YTHDF3: variants seen among roughly 807,000 people sequenced by gnomAD.
The protein encoded by YTHDF3 is YTH N6-methyladenosine RNA binding protein F3, also known as YTH domain-containing family protein 3.
YTHDF3 carries 9 observed loss-of-function variants against 52.5 expected under a neutral mutation model. That is an observed-to-expected ratio of 0.17 (90% CI 0.10 to 0.30). The LOEUF is 0.30. Ranked by LOEUF, YTHDF3 falls within the 10% of genes least tolerant of loss-of-function variation. YTHDF3 has a pLI of 1.00. For synonymous variants in YTHDF3, 274 were observed against 243.3 expected (o/e 1.13, Z -1.18); for missense variants, 534 against 715.0 (o/e 0.75, Z 2.89).
intron 3 of YTHDF3, among the ~76,000 whole-genome samples, chr8:63,182,967 T>TC (rs1422441397): frequency 6.6e-6 from 1 of 151,588 alleles, no homozygotes. Flanking sequence ...TTTTTTTTTT[T>TC]TTTCTTTTTT....
intron 3 of YTHDF3, among the ~76,000 whole-genome samples, chr8:63,181,819 G>A (rs569160424): frequency 4.6e-5 from 7 of 152,280 alleles, no homozygotes; most frequent in African/African-American, 1.7e-4. Context: ...TAAGTGAATG[G>A]ATGGATTAGG....
In YTHDF3 at chr8:63,195,186, C is replaced by G. The variant is rs959589956; in HGVS notation, c.1734+7441C>G. ...TGAAGCTTCAAATTGTCGGAGAAAT[C>G]CATGCTAGTTAGTATTTGTATTATA... On this transcript the variant is annotated intron_variant, in intron 4 of 4. Transcript: ENST00000539294. Among the ~76,000 whole-genome samples the G allele has an allele frequency of 3.3e-5, 5 of 152,114 alleles. No individual in the cohort carries two copies. The South Asian group carries it at 1.0e-3, about 31-fold the overall frequency.
In YTHDF3 at chr8:63,212,401, C is replaced by G. The variant is rs1810413157; in HGVS notation, c.*2695C>G. 1.3e-5 allele frequency: 2 copies of G among 151,984 alleles called. No individual in the cohort carries two copies. Among genetic ancestry groups the G allele is most frequent in the African/African-American group, 4.9e-5 (2 of 41,186 alleles). The allele number at this position is 151,984 out of a possible 1,614,324, so 9.4% of individuals were successfully genotyped here. ...AGCTGTGTTCTTTTTGAATACCGTG[C>G]ATGGGGGTTAAGCTGATGTTAAAAC... On this transcript the variant is annotated 3_prime_UTR_variant, in exon 5 of 5. Coordinates refer to ENST00000539294, the MANE Select transcript of YTHDF3 (RefSeq NM_152758.6).
intron 4 of YTHDF3, among the ~76,000 whole-genome samples, chr8:63,198,720 T>C (rs893166197): frequency 2.6e-5 from 4 of 152,218 alleles, no homozygotes; most frequent in African/African-American, 4.8e-5. Context: ...GTTATACTTA[T>C]GACAACAGCA....
chr8:63,200,816 T>G (rs1415583405), intron 4 of YTHDF3, among the ~76,000 whole-genome samples: 3 of 152,200 alleles, frequency 2.0e-5, no homozygotes, highest in Non-Finnish European at 4.4e-5. Context: ...AAGGTGAATT[T>G]TTAAGATGGG....
intron 3 of YTHDF3, among the ~76,000 whole-genome samples, chr8:63,182,234 ATTTTTTTTTT>A (rs11348989): frequency 1.1e-4 from 12 of 111,718 alleles, no homozygotes; most frequent in East Asian, 2.9e-4. Flanking sequence ...TGCCTGGCTA[ATTTTTTTTTT>A]TTTTTTTTTT....
At chr8:63,175,234 A>T in intron 2 of YTHDF3, 97 bp from the exon 3 acceptor site, 8 of 839,142 alleles carry the variant, frequency 9.5e-6, no homozygotes, top group Non-Finnish European at 1.5e-5. Context: ...ATTTTTTCTG[A>T]TTACTTTTTT....
At chr8:63,176,057 T>G (rs1228360423) in intron 3 of YTHDF3, among the ~76,000 whole-genome samples, 2 of 152,194 alleles carry the variant, frequency 1.3e-5, no homozygotes, top group Non-Finnish European at 2.9e-5. Context: ...TAATTCCAAT[T>G]TAAACATTGA....
At chr8:63,188,603 T>C (rs1046988129) in intron 4 of YTHDF3, 15 of 146,000 alleles carry the variant, frequency 1.0e-4, no homozygotes, top group African/African-American at 3.5e-4. Context: ...GGGATTACAG[T>C]CCTGAGTCAC....
At chr8:63,171,699 T>G (rs1807337600) in intron 2 of YTHDF3, among the ~76,000 whole-genome samples, 2 of 152,222 alleles carry the variant, frequency 1.3e-5, no homozygotes, top group Admixed American at 1.3e-4. Flanking sequence ...CTGTTTACTT[T>G]CATGAAGTTA....
intron 2 of YTHDF3, among the ~76,000 whole-genome samples, 172 bp from the exon 3 acceptor site, chr8:63,175,159 G>A (rs1807600896): frequency 6.6e-6 from 1 of 152,052 alleles, no homozygotes; most frequent in Non-Finnish European, 1.5e-5. Context: ...AGTTTTTGTG[G>A]CACATGAATA....
rs139642806 is a variant in YTHDF3, at chr8:63,173,682, G to GTA, written c.50-1647_50-1646dup. ...TAAAGCCAGTGTCAGAGGAGAACAGGTATGTCAGAATCTCTTGGACTGAAA... is the reference window on the plus strand; with the variant it reads ...TAAAGCCAGTGTCAGAGGAGAACAGGTATATGTCAGAATCTCTTGGACTGAAA... On this transcript the variant is annotated intron_variant, in intron 2 of 4. Transcript: ENST00000539294. 1.7e-3 allele frequency: 1,683 copies of GTA among 985,218 alleles called. 31 individuals carry two copies. The African/African-American group carries it at 0.028, about 16-fold the overall frequency. The allele number at this position is 985,218 out of a possible 1,614,324, so 61.0% of individuals were successfully genotyped here. A position where few individuals can be genotyped will look rare whatever the true frequency, so the allele number is the denominator to read the frequency against.
At chr8:63,191,039 A>C (rs1429048196) in intron 4 of YTHDF3, among the ~76,000 whole-genome samples, 1 of 152,220 alleles carries the variant, frequency 6.6e-6, no homozygotes, top group African/African-American at 2.4e-5. Context: ...TCTAGTCAAC[A>C]GCCTTTTCAC....
chr8:63,199,265 T>C (rs1809442392), intron 4 of YTHDF3, among the ~76,000 whole-genome samples: 1 of 152,190 alleles, frequency 6.6e-6, no homozygotes, highest in South Asian at 2.1e-4. Context: ...GGACAGAATT[T>C]CATTTATAGT....
chr8:63,184,275 T>G (rs1808356546), intron 3 of YTHDF3, among the ~76,000 whole-genome samples: 1 of 152,186 alleles, frequency 6.6e-6, no homozygotes, highest in South Asian at 2.1e-4. Flanking sequence ...TGAAAAATGG[T>G]TTTGTGATTT....
In YTHDF3 at chr8:63,187,209, G is replaced by A; in HGVS notation, c.1198G>A (p.Ala400Thr). ...EVHPVLEKLK[A>T]INNYNPKDFD... is the part of the protein sequence containing the mutation. The stretch of plus-strand genomic sequence containing the variant: ...GCATCCCGTGCTGGAAAAGCTAAAG[G>A]CCATAAACAACTATAATCCCAAAGA... The change falls in exon 4 of 5, where the codon GCC (alanine) becomes ACC (threonine). Residue 400 changes from alanine (A) to threonine (T), a missense_variant. By Grantham distance (58) the Ala-to-Thr change is moderately conservative. Around this residue, in one of 3 missense-constraint regions of YTHDF3, gnomAD observed 203 missense variants for 201.3 expected, o/e 1.01. Transcript: ENST00000539294. The A allele has an allele frequency of 1.2e-6, 2 of 1,613,984 alleles. No homozygotes were observed. The highest frequency in any genetic ancestry group is 2.2e-5 in the East Asian group (1 of 44,884).
chr8:63,190,530 T>A lies in YTHDF3; in HGVS notation c.1734+2785T>A, dbSNP rs962113434. Among the ~76,000 whole-genome samples, 2 of 152,288 alleles carry A rather than the reference T, an allele frequency of 1.3e-5. 1 individual carries two copies. Among genetic ancestry groups the A allele is most frequent in the South Asian group, 4.1e-4 (2 of 4,822 alleles). ...TAAAGTTTATCCTAAAGCCGCCTCC[T>A]TACATATTTTAAGTCCAGCCTAAAG... On this transcript the variant is annotated intron_variant, in intron 4 of 4. Transcript: ENST00000539294.
In YTHDF3 at chr8:63,199,374, A is replaced by T. The variant is rs115267249; in HGVS notation, c.1735-10309A>T. Among the ~76,000 whole-genome samples, 1,212 of 152,262 alleles carry T rather than the reference A, an allele frequency of 8.0e-3. 24 individuals carry two copies. Among genetic ancestry groups the T allele is most frequent in the African/African-American group, 0.028 (1,168 of 41,548 alleles). ...CAGTCGCTTCTCCCTCCATATAGGC[A>T]TGTTTTACATCCCTTGAATACTGCA... On this transcript the variant is annotated intron_variant, in intron 4 of 4. Coordinates refer to ENST00000539294, the MANE Select transcript of YTHDF3 (RefSeq NM_152758.6).
intron 1 of YTHDF3, 65 bp from the exon 2 acceptor site, chr8:63,169,318 TTTGA>T (rs1306793171): frequency 2.6e-5 from 40 of 1,540,618 alleles, no homozygotes; most frequent in Middle Eastern, 1.7e-4. Flanking sequence ...TGATAATGCC[TTTGA>T]TTAACACACT....
Sources: allele counts gnomAD v4.1 joint callset (sites outside exome capture counted in the v4.1 genomes callset), GRCh38; gene constraint gnomAD v4.1.1; regional missense constraint gnomAD v4.1.1; transcripts MANE v1.5; gene names NCBI Gene and HGNC (gene_info 2026-07-23, HGNC 2026-07-21).